The following LRBA variants were observed in gnomAD, a reference collection of about 807,000 sequenced individuals.
LRBA encodes LPS responsive beige-like anchor protein, also known as lipopolysaccharide-responsive and beige-like anchor protein.
A neutral mutation model predicts 330.0 loss-of-function variants in LRBA; 176 were observed. The observed-to-expected ratio is 0.53, with a 90% confidence interval of 0.47 to 0.60. The LOEUF is 0.60. Ranked by LOEUF, LRBA falls within the 20% of genes least tolerant of loss-of-function variation. The probability of loss-of-function intolerance (pLI) is 0.00; values close to 1 mark genes in which losing one functional copy is unlikely to be tolerated. For synonymous variants in LRBA, 1,230 were observed against 1,193.0 expected (o/e 1.03, Z -0.64); for missense variants, 3,259 against 3,444.8 (o/e 0.95, Z 1.35).
chr4:150,484,732 C>G (rs1030413253), intron 42 of LRBA, among the ~76,000 whole-genome samples: 5 of 151,456 alleles, frequency 3.3e-5, no homozygotes, highest in Non-Finnish European at 7.4e-5. Context: ...AGGCAATGAT[C>G]CTCTCCTCCT....
At chr4:150,656,250 T>C (rs1228131699) in intron 37 of LRBA, among the ~76,000 whole-genome samples, 2 of 152,324 alleles carry the variant, frequency 1.3e-5, no homozygotes, top group East Asian at 3.9e-4. Context: ...AAGGTCTAAT[T>C]TTCATATCAA....
intron 31 of LRBA, among the ~76,000 whole-genome samples, chr4:150,816,776 T>C (rs1429448370): frequency 6.6e-6 from 1 of 151,894 alleles, no homozygotes; most frequent in Non-Finnish European, 1.5e-5. Flanking sequence ...TCAACAAGAC[T>C]TTCTTATTTA....
At position 150,694,462 on chromosome 4, in the gene LRBA, C is replaced by CAAAAAAA. The variant is rs58558446; in HGVS notation, c.5755-10752_5755-10746dup. Among the ~76,000 whole-genome samples, 202 of 71,022 alleles carry CAAAAAAA rather than the reference C, an allele frequency of 2.8e-3. 25 individuals are homozygous for CAAAAAAA. Among genetic ancestry groups the CAAAAAAA allele is most frequent in the African/African-American group, 9.1e-3 (186 of 20,402 alleles). The allele number at this position is 71,022 out of a possible 152,430, so 46.6% of individuals were successfully genotyped here. On this transcript the variant is annotated intron_variant, in intron 36 of 56. Transcript: ENST00000651943. ...CCTTACCTTAAAGTGTGATCTTTAA[C>CAAAAAAA]AAAAAAAAAAAAAAGCTATCTACAG... is the stretch of plus-strand genomic sequence containing the variant.
intron 36 of LRBA, chr4:150,721,269 A>T (rs1324452868): frequency 7.9e-6 from 3 of 379,634 alleles, no homozygotes; most frequent in Non-Finnish European, 1.5e-5. Context: ...GTGGCTTTAT[A>T]AGTCCAATGC....
chr4:150,701,659 T>C (rs1785138011), intron 36 of LRBA, among the ~76,000 whole-genome samples: 1 of 152,194 alleles, frequency 6.6e-6, no homozygotes, highest in African/African-American at 2.4e-5. Context: ...TAGCATTTCG[T>C]GGTTCCTATG....
intron 16 of LRBA, among the ~76,000 whole-genome samples, chr4:150,895,506 T>C (rs1040286087): frequency 2.0e-5 from 3 of 152,164 alleles, no homozygotes; most frequent in African/African-American, 4.8e-5. Context: ...ATTGTTCAAT[T>C]CCCACCTATG....
At chr4:150,615,309 A>G (rs979974090) in intron 37 of LRBA, among the ~76,000 whole-genome samples, 1 of 152,244 alleles carries the variant, frequency 6.6e-6, no homozygotes, top group Admixed American at 6.5e-5. Flanking sequence ...GAAGATTATA[A>G]GCAAAGAATT....
chr4:150,442,523 T>C (rs930835526), intron 44 of LRBA, among the ~76,000 whole-genome samples: 2 of 152,172 alleles, frequency 1.3e-5, no homozygotes, highest in Admixed American at 6.6e-5. Flanking sequence ...CTTCATTTGA[T>C]ATGACTGGGA....
intron 52 of LRBA, among the ~76,000 whole-genome samples, chr4:150,304,066 GCTTT>G (rs752678406): frequency 6.6e-5 from 10 of 151,992 alleles, no homozygotes; most frequent in East Asian, 1.9e-4. Context: ...ATTCAGCATG[GCTTT>G]CTTTTTCTTT....
intron 48 of LRBA, among the ~76,000 whole-genome samples, chr4:150,336,493 T>TA (rs1389735004): frequency 6.6e-6 from 1 of 151,310 alleles, no homozygotes; most frequent in East Asian, 1.9e-4. Context: ...ATGGAGTACA[T>TA]AAAAAATAAA....
chr4:150,368,757 T>A (rs1480082092), intron 47 of LRBA, among the ~76,000 whole-genome samples: 2 of 152,180 alleles, frequency 1.3e-5, no homozygotes, highest in African/African-American at 4.8e-5. Flanking sequence ...CAAGGTGATG[T>A]CAAGTAATTT....
At chr4:150,517,279 T>C (rs1321199780) in intron 40 of LRBA, among the ~76,000 whole-genome samples, 1 of 152,092 alleles carries the variant, frequency 6.6e-6, no homozygotes, top group Non-Finnish European at 1.5e-5. Flanking sequence ...CCCAACACTT[T>C]AGGAGGCCAA....
chr4:150,523,917 G>C (rs1371931281), intron 40 of LRBA, among the ~76,000 whole-genome samples: 1 of 151,614 alleles, frequency 6.6e-6, no homozygotes, highest in Non-Finnish European at 1.5e-5. Context: ...GTTTCTCCTG[G>C]ATTAGAACCA....
At chr4:150,999,684 C>A (rs1743108512) in intron 2 of LRBA, among the ~76,000 whole-genome samples, 1 of 151,210 alleles carries the variant, frequency 6.6e-6, no homozygotes, top group Non-Finnish European at 1.5e-5. Flanking sequence ...AACAACAAAC[C>A]CCAGAATGAC....
At position 150,636,955 on chromosome 4, in the gene LRBA, A is replaced by AT. The variant is rs1777986015; in HGVS notation, c.5922-37825dup. ...GAACTATCACACCTGGCTTAAGTTT[A>AT]TTTTTTGATGCCAATAATATGTCTA... is the stretch of plus-strand genomic sequence containing the variant. On this transcript the variant is annotated intron_variant, in intron 37 of 56. Coordinates refer to ENST00000651943, the MANE Select transcript of LRBA (RefSeq NM_001364905.1). Among the ~76,000 whole-genome samples the AT allele has an allele frequency of 2.0e-5, 3 of 152,216 alleles. No individual in the cohort carries two copies. The South Asian group carries it at 6.2e-4, about 32-fold the overall frequency.
intron 47 of LRBA, among the ~76,000 whole-genome samples, chr4:150,385,387 T>C (rs1314436415): frequency 1.3e-5 from 2 of 152,182 alleles, no homozygotes; most frequent in East Asian, 1.9e-4. Context: ...ACTCGTTTTT[T>C]AGTTGATCCA....
intron 2 of LRBA, among the ~76,000 whole-genome samples, chr4:150,965,334 CAAAT>C (rs950098785): frequency 3.3e-5 from 5 of 151,966 alleles, no homozygotes; most frequent in Admixed American, 6.6e-5. Flanking sequence ...TTTAGAAAGA[CAAAT>C]AAGAAAAATT....
intron 17 of LRBA, among the ~76,000 whole-genome samples, chr4:150,881,849 G>A (rs1560956324): frequency 6.6e-6 from 1 of 152,178 alleles, no homozygotes; most frequent in Non-Finnish European, 1.5e-5. Flanking sequence ...CATTTTGGGA[G>A]GCCGAGGTGG....
chr4:150,764,685 CAT>C (rs1735522187), intron 34 of LRBA, among the ~76,000 whole-genome samples: 1 of 151,970 alleles, frequency 6.6e-6, no homozygotes, highest in African/African-American at 2.4e-5. Context: ...AGATTGTCCA[CAT>C]GTCACTGGGG....
Sources: gnomAD v4.1 joint callset for allele counts (sites outside exome capture counted in the v4.1 genomes callset) on GRCh38, gnomAD v4.1.1 for gene constraint, MANE v1.5 for transcripts, NCBI Gene and HGNC (gene_info 2026-07-23, HGNC 2026-07-21) for gene names.